INTS9: variants seen among roughly 807,000 people sequenced by gnomAD.
The protein encoded by INTS9 is protein related to CPSF subunits of 74 kDa.
In INTS9, 55 loss-of-function variants were observed where a neutral mutation model predicts 79.7. The ratio of observed to expected loss-of-function variants is 0.69; its 90% CI spans 0.56 to 0.86. The LOEUF (loss-of-function observed/expected upper bound fraction) is 0.86, where lower values mean the gene tolerates loss of function less well. INTS9 is among the 40% of genes least tolerant of loss of function. The probability of loss-of-function intolerance (pLI) is 0.00; values close to 1 mark genes in which losing one functional copy is unlikely to be tolerated. For synonymous variants in INTS9, 319 were observed against 325.2 expected (o/e 0.98, Z 0.20); for missense variants, 721 against 831.5 (o/e 0.87, Z 1.64).
At chr8:28,881,359 G>A in intron 1 of INTS9, among the ~76,000 whole-genome samples, 1 of 140,312 alleles carries the variant, frequency 7.1e-6, no homozygotes, top group African/African-American at 2.7e-5. Flanking sequence ...GGGCGCCTCT[G>A]CCCGGCCGCC....
intron 8 of INTS9, chr8:28,810,064 T>C (rs1052349608): frequency 6.6e-6 from 1 of 152,180 alleles, no homozygotes; most frequent in Non-Finnish European, 1.5e-5. Flanking sequence ...AATTAAAAAA[T>C]GAATAATTTC....
intron 1 of INTS9, among the ~76,000 whole-genome samples, chr8:28,882,989 A>T (rs1809979808): frequency 6.6e-6 from 1 of 151,892 alleles, no homozygotes; most frequent in South Asian, 2.1e-4. Context: ...GGTCTTCTCT[A>T]TTTTCCCTTC....
chr8:28,860,158 G>A (rs1312691638), intron 1 of INTS9, among the ~76,000 whole-genome samples: 2 of 152,186 alleles, frequency 1.3e-5, no homozygotes, highest in Non-Finnish European at 2.9e-5. Context: ...AGACAAGTAG[G>A]AATCTCTTGC....
chr8:28,768,526 CAG>C, intron 16 of INTS9: 1 of 598,736 alleles, frequency 1.7e-6, no homozygotes, highest in South Asian at 2.0e-5. Flanking sequence ...TGCAAAACAA[CAG>C]AATTTCCACA....
At chr8:28,828,149 T>C (rs1806261826) in intron 6 of INTS9, among the ~76,000 whole-genome samples, 1 of 152,204 alleles carries the variant, frequency 6.6e-6, no homozygotes, top group Admixed American at 6.5e-5. Flanking sequence ...TTAGAGATAA[T>C]TTAATTCTTA....
At chr8:28,872,336 C>T (rs983949106) in intron 1 of INTS9, among the ~76,000 whole-genome samples, 1 of 152,136 alleles carries the variant, frequency 6.6e-6, no homozygotes, top group African/African-American at 2.4e-5. Flanking sequence ...AATATGTCCA[C>T]ACAATGTTAT....
Position 28,837,656 on chromosome 8 carries a change from G to A in INTS9, c.382C>T (p.Pro128Ser), listed in dbSNP as rs1806890636. The A allele has an allele frequency of 6.2e-7, 1 of 1,613,202 alleles. No homozygotes were observed. Among genetic ancestry groups the A allele is most frequent in the Admixed American group, 1.7e-5 (1 of 60,000 alleles). ...TCTCACCTGCCGATCTGGACGGTGG[G>A]TTCCGTGGCATACACTGTGCCTGTG... ...GFTGTVYATE[P>S]TVQIGRLLME... Residue 128 changes from proline (P) to serine (S), a missense_variant, in exon 5 of 17, where the codon CCC becomes TCC. This residue lies in a region of INTS9 where 291 missense variants were observed against 307.0 expected (regional missense o/e 0.95). Transcript: ENST00000521022.
At chr8:28,853,931 G>A (rs879618518) in intron 2 of INTS9, among the ~76,000 whole-genome samples, 1 of 152,082 alleles carries the variant, frequency 6.6e-6, no homozygotes, top group African/African-American at 2.4e-5. Flanking sequence ...GCGTTAACCA[G>A]GATGGTCTCG....
chr8:28,861,402 C>T (rs923850315), intron 1 of INTS9, among the ~76,000 whole-genome samples: 1 of 152,040 alleles, frequency 6.6e-6, no homozygotes, highest in Admixed American at 6.6e-5. Context: ...AGCAAATGTT[C>T]CAGGAAAAGC....
intron 4 of INTS9, among the ~76,000 whole-genome samples, chr8:28,845,498 T>G (rs549766381): frequency 6.6e-6 from 1 of 152,346 alleles, no homozygotes; most frequent in East Asian, 1.9e-4. Flanking sequence ...GAATGGTAAC[T>G]GTCTAATTTA....
At chr8:28,847,548 T>C (rs148622117) in intron 3 of INTS9, among the ~76,000 whole-genome samples, 1 of 151,902 alleles carries the variant, frequency 6.6e-6, no homozygotes, top group Non-Finnish European at 1.5e-5. Flanking sequence ...ACGAATGTAA[T>C]GTTTTTCCGT....
chr8:28,830,011 C>T (rs1806382492), intron 6 of INTS9, among the ~76,000 whole-genome samples: 1 of 151,270 alleles, frequency 6.6e-6, no homozygotes, highest in South Asian at 2.1e-4. Context: ...ACCTGTGATC[C>T]CTACTTTGGA....
At chr8:28,876,990 C>A (rs1809428803) in intron 1 of INTS9, among the ~76,000 whole-genome samples, 1 of 151,964 alleles carries the variant, frequency 6.6e-6, no homozygotes, top group Admixed American at 6.6e-5. Context: ...CTCAATGATA[C>A]AGTAAAAGAA....
intron 5 of INTS9, among the ~76,000 whole-genome samples, chr8:28,835,904 G>T (rs1806784274): frequency 6.6e-6 from 1 of 151,992 alleles, no homozygotes; most frequent in Non-Finnish European, 1.5e-5. Flanking sequence ...CGCCTCCCGG[G>T]TTCAAGGGAT....
chr8:28,778,028 G>A (rs151230593), intron 12 of INTS9, 75 bp from the exon 13 acceptor site: 220 of 1,459,366 alleles, frequency 1.5e-4, no homozygotes, highest in Middle Eastern at 3.8e-4. Context: ...CAACTGGGGC[G>A]CTGAGGGCCC....
At chr8:28,888,031 A>G (rs143191804) in intron 1 of INTS9, among the ~76,000 whole-genome samples, 410 of 152,326 alleles carry the variant, frequency 2.7e-3, no homozygotes, top group Non-Finnish European at 4.4e-3. Flanking sequence ...AACACATTAA[A>G]TATAATTTGC....
At chr8:28,866,484 T>C (rs1160378456) in intron 1 of INTS9, among the ~76,000 whole-genome samples, 1 of 152,204 alleles carries the variant, frequency 6.6e-6, no homozygotes, top group African/African-American at 2.4e-5. Context: ...CCAAGCTCCT[T>C]GCAGAGACGA....
intron 8 of INTS9, among the ~76,000 whole-genome samples, chr8:28,810,730 CAT>C (rs2131037350): frequency 6.6e-6 from 1 of 152,222 alleles, no homozygotes; most frequent in Admixed American, 6.5e-5. Context: ...CTATTACAAA[CAT>C]AGAAATAACC....
At chr8:28,839,288 A>AGAG (rs1807013161) in intron 4 of INTS9, among the ~76,000 whole-genome samples, 1 of 152,164 alleles carries the variant, frequency 6.6e-6, no homozygotes, top group East Asian at 1.9e-4. Flanking sequence ...ATGAAATAAA[A>AGAG]GAGGATACAA....
Sources: allele counts gnomAD v4.1 joint callset (sites outside exome capture counted in the v4.1 genomes callset), GRCh38; gene constraint gnomAD v4.1.1; regional missense constraint gnomAD v4.1.1; transcripts MANE v1.5; gene names NCBI Gene and HGNC (gene_info 2026-07-23, HGNC 2026-07-21).